SDS: variants seen among roughly 807,000 people sequenced by gnomAD.
SDS encodes the protein L-serine dehydratase/L-threonine deaminase.
SDS carries 19 observed loss-of-function variants against 29.3 expected under a neutral mutation model. The ratio of observed to expected loss-of-function variants is 0.65; its 90% CI spans 0.45 to 0.95. SDS has a LOEUF of 0.95. Ranked by LOEUF, SDS falls within the 40% of genes least tolerant of loss-of-function variation. The pLI is 0.00. For synonymous variants in SDS, 176 were observed against 189.0 expected (o/e 0.93, Z 0.56); for missense variants, 375 against 439.9 (o/e 0.85, Z 1.32).
intron 1 of SDS, among the ~76,000 whole-genome samples, chr12:113,402,725 C>T (rs1957691555): frequency 6.6e-6 from 1 of 152,192 alleles, no homozygotes; most frequent in African/African-American, 2.4e-5. Flanking sequence ...TTGTCCCAGG[C>T]GGTGCCATGG....
chr12:113,399,510 G>A (rs1173644933), intron 2 of SDS, 46 bp downstream of exon 2: 3 of 1,492,628 alleles, frequency 2.0e-6, no homozygotes, highest in Non-Finnish European at 2.7e-6. Context: ...GTTGAGGAAG[G>A]AGGACCTGCC....
intron 6 of SDS, 128 bp downstream of exon 6, chr12:113,397,037 C>G: frequency 1.2e-6 from 1 of 850,664 alleles, no homozygotes; most frequent in South Asian, 1.6e-5. Context: ...TGGCCCTGGG[C>G]AAGCGATCAA....
At chr12:113,399,057 G>A (rs376253746) in intron 3 of SDS, 55 bp downstream of exon 3, 145 of 1,599,418 alleles carry the variant, frequency 9.1e-5, no homozygotes, top group Non-Finnish European at 1.2e-4. Context: ...GAGAAGCAGA[G>A]TGTCTGATCC....
At chr12:113,397,810 A>G (rs1309364343) in intron 5 of SDS, among the ~76,000 whole-genome samples, 1 of 152,060 alleles carries the variant, frequency 6.6e-6, no homozygotes, top group Non-Finnish European at 1.5e-5. Context: ...AAAAGAAAAA[A>G]GAAACAGCAA....
intron 6 of SDS, among the ~76,000 whole-genome samples, chr12:113,394,313 T>C (rs982480222): frequency 6.6e-6 from 1 of 151,624 alleles, no homozygotes; most frequent in African/African-American, 2.4e-5. Flanking sequence ...AGGCGGGTTT[T>C]TGTTTTGTTT....
rs780431538 is a variant in SDS at position 113,393,116 on chromosome 12, C to T, written c.812G>A (p.Gly271Glu). The change falls in exon 8 of 8, where the codon GGG becomes GAG. Residue 271 changes from glycine (G) to glutamate (E), a missense_variant. Coordinates refer to ENST00000257549, the MANE Select transcript of SDS (RefSeq NM_006843.3). ...GCTATAGACAGCGGCCAGGGCTGCC[C>T]CGCAGGCGGGCTCCACCAGGATCTT... ...DEKILVEPACGAALAAVYSHV... is the reference protein window; with the variant it reads ...DEKILVEPACEAALAAVYSHV... The T allele has an allele frequency of 6.2e-6, 10 of 1,614,088 alleles. No homozygotes were observed. The South Asian group carries it at 8.8e-5, about 14-fold the overall frequency.
At chr12:113,393,812 G>A (rs1431006966) in intron 7 of SDS, 80 bp downstream of exon 7, 7 of 1,583,986 alleles carry the variant, frequency 4.4e-6, no homozygotes, top group Non-Finnish European at 6.0e-6. Flanking sequence ...GGGTGAGTGG[G>A]ATCCCCAGTG....
chr12:113,403,729 C>T (rs1036768090), intron 1 of SDS, 39 bp downstream of exon 1: 2 of 152,428 alleles, frequency 1.3e-5, no homozygotes, highest in African/African-American at 4.8e-5. Context: ...GCCCGGGACA[C>T]TCCAGTCCTG....
intron 1 of SDS, among the ~76,000 whole-genome samples, chr12:113,402,235 C>T: frequency 6.6e-6 from 1 of 152,178 alleles, no homozygotes; most frequent in South Asian, 2.1e-4. Context: ...AACAGGACAT[C>T]CCCAAATCGG....
In SDS at chr12:113,392,492, T is replaced by A. The variant is rs1207044420; in HGVS notation, c.*449A>T. 6.3e-6 allele frequency: 1 copy of A among 159,626 alleles called. No homozygotes were observed. Among genetic ancestry groups the A allele is most frequent in the African/African-American group, 2.4e-5 (1 of 41,594 alleles). The allele number at this position is 159,626 out of a possible 1,614,324, so 9.9% of individuals were successfully genotyped here. ...TTTTTCAATGAAAAAGTTTGCACAT[T>A]AGAAAAATTAGTAAGGGTCAGGGGT... On this transcript the variant is annotated 3_prime_UTR_variant, in exon 8 of 8. Transcript: ENST00000257549.
At chr12:113,400,513 TCAGGGACACCCACACACA>T (rs1307819863) in intron 1 of SDS, among the ~76,000 whole-genome samples, 1 of 151,084 alleles carries the variant, frequency 6.6e-6, no homozygotes, top group African/African-American at 2.4e-5. Flanking sequence ...TGTGAAAAAT[TCAGGGACACCCACACACA>T]CAGATAATCC....
chr12:113,403,851 G>A lies in SDS; in HGVS notation c.-86C>T, dbSNP rs1304012118. ...ACTGAGTAGATAGCCCACGAAGAGAGGGGGCTGAGGACGGGTGGACAGTCT... is the reference window on the plus strand; with the variant it reads ...ACTGAGTAGATAGCCCACGAAGAGAAGGGGCTGAGGACGGGTGGACAGTCT... On this transcript the variant is annotated 5_prime_UTR_variant, in exon 1 of 8. Coordinates refer to ENST00000257549, the MANE Select transcript of SDS (RefSeq NM_006843.3). 6.6e-6 allele frequency: 1 copy of A among 152,466 alleles called. No homozygotes were observed. Among genetic ancestry groups the A allele is most frequent in the East Asian group, 1.9e-4 (1 of 5,200 alleles). 9.4% of individuals were successfully genotyped at this position (152,466 alleles called of 1,614,324 possible).
intron 6 of SDS, among the ~76,000 whole-genome samples, chr12:113,394,574 A>G (rs1361930919): frequency 6.6e-6 from 1 of 152,020 alleles, no homozygotes; most frequent in Non-Finnish European, 1.5e-5. Flanking sequence ...TCCTGACCTT[A>G]GGTGATCCAC....
intron 1 of SDS, among the ~76,000 whole-genome samples, chr12:113,399,970 G>A (rs1220778858): frequency 1.3e-5 from 2 of 152,184 alleles, no homozygotes; most frequent in Non-Finnish European, 2.9e-5. Context: ...AGGCTGAAGA[G>A]AGAACACTCA....
intron 1 of SDS, among the ~76,000 whole-genome samples, chr12:113,402,766 T>C (rs1957691802): frequency 1.3e-5 from 2 of 152,164 alleles, no homozygotes; most frequent in Non-Finnish European, 2.9e-5. Flanking sequence ...CAGGGCTCCC[T>C]CTGCCGCGGC....
At chr12:113,402,437 C>T (rs149514716) in intron 1 of SDS, among the ~76,000 whole-genome samples, 4,519 of 152,296 alleles carry the variant, frequency 0.03, 94 homozygotes, top group Non-Finnish European at 0.046. Flanking sequence ...GGATCACAGA[C>T]GTGCACCACC....
chr12:113,394,500 C>T (rs1593296970), intron 6 of SDS, among the ~76,000 whole-genome samples: 1 of 151,762 alleles, frequency 6.6e-6, no homozygotes, highest in Non-Finnish European at 1.5e-5. Flanking sequence ...CCACCACACC[C>T]GGCTAATTTT....
chr12:113,403,515 C>T (rs754771836), intron 1 of SDS, among the ~76,000 whole-genome samples: 1 of 151,900 alleles, frequency 6.6e-6, no homozygotes, highest in South Asian at 2.1e-4. Context: ...CAGAGTGAGA[C>T]CTCTGTCTTA....
At position 113,392,658 on chromosome 12, in the gene SDS, C is replaced by A. The variant is rs1248120917; in HGVS notation, c.*283G>T. Reference sequence around the variant, plus strand: ...TGTGATTCAGGTCTCTCCTGTCCACCCTGCTCTGGGTACCTGGTGTGTTAC... The same window carrying A: ...TGTGATTCAGGTCTCTCCTGTCCACACTGCTCTGGGTACCTGGTGTGTTAC... On this transcript the variant is annotated 3_prime_UTR_variant, in exon 8 of 8. Coordinates refer to ENST00000257549, the MANE Select transcript of SDS (RefSeq NM_006843.3). 4.7e-6 allele frequency: 2 copies of A among 421,624 alleles called. No homozygotes were observed. Among genetic ancestry groups the A allele is most frequent in the Non-Finnish European group, 8.6e-6 (2 of 233,686 alleles). 26.1% of individuals were successfully genotyped at this position (421,624 alleles called of 1,614,324 possible).
Sources: gnomAD v4.1 joint callset for allele counts (sites outside exome capture counted in the v4.1 genomes callset) on GRCh38, gnomAD v4.1.1 for gene constraint, MANE v1.5 for transcripts, NCBI Gene and HGNC (gene_info 2026-07-23, HGNC 2026-07-21) for gene names.